The following HDAC4 variants were observed in gnomAD, a reference collection of about 807,000 sequenced individuals.
HDAC4 encodes histone deacetylase A.
HDAC4 carries 16 observed loss-of-function variants against 135.1 expected under a neutral mutation model. The ratio of observed to expected loss-of-function variants is 0.12; its 90% CI spans 0.08 to 0.18. The LOEUF is 0.18. HDAC4 is among the 10% of genes least tolerant of loss of function. The pLI, the probability that HDAC4 is intolerant of heterozygous loss-of-function variation, is 1.00. For synonymous variants in HDAC4, 685 were observed against 653.4 expected (o/e 1.05, Z -0.74); for missense variants, 1,143 against 1,511.8 (o/e 0.76, Z 4.05).
In HDAC4 at chr2:239,084,203, C is replaced by T. The variant is rs2035636377; in HGVS notation, c.2484G>A (p.Lys828=). ...TCACGCTCAACCTCTGCTGCAGAAG[C>T]TTGGCTGCCACGGCCACGGAGTTGA... ...CYFNSVAVAA[K]LLQQRLSVSK... is the part of the protein sequence containing the mutation. The change falls in exon 20 of 27, where the codon AAG becomes AAA. Residue 828 remains lysine, a synonymous_variant. Transcript: ENST00000543185. The T allele has an allele frequency of 6.2e-7, 1 of 1,613,570 alleles. No homozygotes were observed. Among genetic ancestry groups the T allele is most frequent in the Non-Finnish European group, 8.5e-7 (1 of 1,179,670 alleles).
At chr2:239,118,028 A>G (rs2039300024) in intron 12 of HDAC4, among the ~76,000 whole-genome samples, 1 of 152,154 alleles carries the variant, frequency 6.6e-6, no homozygotes, top group Admixed American at 6.5e-5. Flanking sequence ...GTGGGCACTC[A>G]GTGTCCGCTT....
At chr2:239,253,393 A>T (rs2048891717) in intron 2 of HDAC4, among the ~76,000 whole-genome samples, 1 of 152,242 alleles carries the variant, frequency 6.6e-6, no homozygotes, top group South Asian at 2.1e-4. Context: ...ATATTCAGAC[A>T]ACTAGAAAGA....
At chr2:239,378,065 G>A (rs907299419) in intron 1 of HDAC4, among the ~76,000 whole-genome samples, 19 of 152,188 alleles carry the variant, frequency 1.2e-4, no homozygotes, top group Admixed American at 1.1e-3. Flanking sequence ...AGCAAACGCG[G>A]TGCCCCTCCA....
chr2:239,354,472 G>A (rs566233699), intron 1 of HDAC4, among the ~76,000 whole-genome samples: 2 of 151,538 alleles, frequency 1.3e-5, no homozygotes, highest in Middle Eastern at 3.4e-3. Context: ...GTCCCTGGCT[G>A]ATCCCAGCTC....
intron 2 of HDAC4, among the ~76,000 whole-genome samples, chr2:239,351,024 A>G (rs1394456546): frequency 6.6e-6 from 1 of 152,212 alleles, no homozygotes; most frequent in Non-Finnish European, 1.5e-5. Flanking sequence ...GACTGAACCT[A>G]CCCAGTGCTG....
intron 7 of HDAC4, 74 bp downstream of exon 7, chr2:239,156,578 G>T (rs1351632769): frequency 1.9e-6 from 3 of 1,585,716 alleles, no homozygotes; most frequent in African/African-American, 2.7e-5. Context: ...ACAGCGGTGG[G>T]CCCTGCGTGG....
At chr2:239,096,644 GCATCCCCCACTGATGCC>G (rs2037111407) in intron 16 of HDAC4, among the ~76,000 whole-genome samples, 3 of 51,106 alleles carry the variant, frequency 5.9e-5, no homozygotes, top group Non-Finnish European at 3.7e-5. Flanking sequence ...ATGGATGCCA[GCATCCCCCACTGATGCC>G]CACCCCCCCC....
At chr2:239,143,774 A>T (rs1042799694) in intron 8 of HDAC4, among the ~76,000 whole-genome samples, 3 of 152,234 alleles carry the variant, frequency 2.0e-5, no homozygotes, top group African/African-American at 7.2e-5. Flanking sequence ...CTAGGTCAAC[A>T]GCCTGCTCAG....
chr2:239,396,556 T>C (rs952912915), intron 1 of HDAC4, among the ~76,000 whole-genome samples: 1 of 152,222 alleles, frequency 6.6e-6, no homozygotes, highest in African/African-American at 2.4e-5. Context: ...AATGATTCAA[T>C]GTTCATACGT....
intron 2 of HDAC4, among the ~76,000 whole-genome samples, chr2:239,286,349 C>T (rs1174019158): frequency 1.3e-5 from 2 of 152,108 alleles, no homozygotes; most frequent in South Asian, 2.1e-4. Flanking sequence ...AAAGGAGATT[C>T]GGTGAGTGAG....
rs79199572 is a variant in HDAC4, at chr2:239,115,263, C to T, written c.1581G>A (p.Pro527=). 75,139 of 1,613,280 alleles carry T rather than the reference C, an allele frequency of 0.047. 2,024 individuals carry two copies. The highest frequency in any genetic ancestry group is 0.054 in the Non-Finnish European group (63,163 of 1,179,918). The change falls in exon 13 of 27, where the codon CCG becomes CCA. Residue 527 remains proline, a synonymous_variant. Coordinates refer to ENST00000543185, the MANE Select transcript of HDAC4 (RefSeq NM_001378414.1). This position sits in a 1 kb window ranked among gnomAD's most constrained non-coding sequence, Gnocchi z 6.3. ...CACGGAGCTCCTCCTCCGTCTCCTCCGGGTGGCTCTCCGGCTGCCGGGCTG... is the reference window on the plus strand; with the variant it reads ...CACGGAGCTCCTCCTCCGTCTCCTCTGGGTGGCTCTCCGGCTGCCGGGCTG... ...SEPARQPESH[P]EETEEELREH... is the part of the protein sequence containing the mutation.
chr2:239,079,069 G>A (rs770936301), intron 22 of HDAC4, among the ~76,000 whole-genome samples: 1 of 152,248 alleles, frequency 6.6e-6, no homozygotes, highest in East Asian at 1.9e-4. Context: ...TTTCAGAGAA[G>A]CCTCCAAGGG....
At chr2:239,129,720 C>T (rs2040438937) in intron 11 of HDAC4, among the ~76,000 whole-genome samples, 2 of 152,170 alleles carry the variant, frequency 1.3e-5, no homozygotes, top group Admixed American at 6.5e-5. Flanking sequence ...TGCTCAGTGG[C>T]CAGCTCCCCT....
chr2:239,324,748 C>G (rs1204997918), intron 2 of HDAC4, among the ~76,000 whole-genome samples: 1 of 152,226 alleles, frequency 6.6e-6, no homozygotes, highest in African/African-American at 2.4e-5. Context: ...ACTCGCCATC[C>G]CTTGGAGAGG....
intron 6 of HDAC4, among the ~76,000 whole-genome samples, chr2:239,159,665 C>A (rs1023252853): frequency 2.6e-5 from 4 of 152,126 alleles, no homozygotes; most frequent in African/African-American, 9.7e-5. Context: ...CTAAGCTAAC[C>A]CCGGCCACAG....
chr2:239,136,493 G>C (rs1402743192), intron 9 of HDAC4, among the ~76,000 whole-genome samples: 1 of 152,126 alleles, frequency 6.6e-6, no homozygotes, highest in East Asian at 1.9e-4. Context: ...AAGATCCATG[G>C]CTAAGACCTC....
chr2:239,111,391 C>T (rs1032028640), intron 14 of HDAC4, 135 bp downstream of exon 14: 2 of 832,698 alleles, frequency 2.4e-6, no homozygotes, highest in Admixed American at 2.1e-5. Flanking sequence ...TGTGTGGTCC[C>T]CACCATCCAG....
At chr2:239,168,917 G>A (rs1461169368) in intron 5 of HDAC4, among the ~76,000 whole-genome samples, 2 of 152,220 alleles carry the variant, frequency 1.3e-5, no homozygotes, top group East Asian at 3.8e-4. Context: ...CCTGTGACGG[G>A]GCTAGAGGGG....
At chr2:239,384,451 C>CAAAAAAA (rs5839742) in intron 1 of HDAC4, among the ~76,000 whole-genome samples, 1 of 95,084 alleles carries the variant, frequency 1.1e-5, no homozygotes, top group Non-Finnish European at 2.1e-5. Context: ...CCTGTCTCTA[C>CAAAAAAA]AAAAAAAAAA....
Sources: allele counts gnomAD v4.1 joint callset (sites outside exome capture counted in the v4.1 genomes callset), GRCh38; gene constraint gnomAD v4.1.1; non-coding constraint Gnocchi (gnomAD v3.1); transcripts MANE v1.5; gene names NCBI Gene and HGNC (gene_info 2026-07-23, HGNC 2026-07-21).